The following DTD1 variants were observed in gnomAD, a reference collection of about 807,000 sequenced individuals.
DTD1 encodes the protein D-aminoacyl-tRNA deacylase 1.
A neutral mutation model predicts 25.6 loss-of-function variants in DTD1; 13 were observed. The ratio of observed to expected loss-of-function variants is 0.51; its 90% CI spans 0.33 to 0.81. DTD1 has a LOEUF of 0.81. Ranked by LOEUF, DTD1 falls within the 30% of genes least tolerant of loss-of-function variation. The pLI is 0.02. For synonymous variants in DTD1, 110 were observed against 103.6 expected, an observed-to-expected ratio of 1.06 and a Z score of -0.37; for missense variants, 193 against 266.4, an observed-to-expected ratio of 0.72 and a Z score of 1.92.
chr20:18,677,417 C>T (rs1270915816), intron 4 of DTD1, among the ~76,000 whole-genome samples: 3 of 151,928 alleles, frequency 2.0e-5, no homozygotes, highest in Non-Finnish European at 4.4e-5. Flanking sequence ...TTTTTTTCTT[C>T]CTCCCAGAGC....
chr20:18,631,655 T>C, intron 4 of DTD1: 1 of 985,428 alleles, frequency 1.0e-6, no homozygotes, highest in Middle Eastern at 5.2e-4. Context: ...TTGCCACTGC[T>C]GCCCACTTTT....
chr20:18,672,227 C>G (rs941959868), intron 4 of DTD1, among the ~76,000 whole-genome samples: 1 of 151,996 alleles, frequency 6.6e-6, no homozygotes, highest in Non-Finnish European at 1.5e-5. Context: ...AAGTGAGACC[C>G]TGTCACAAAT....
intron 4 of DTD1, among the ~76,000 whole-genome samples, chr20:18,644,290 G>A (rs1364553658): frequency 6.6e-6 from 1 of 151,924 alleles, no homozygotes; most frequent in African/African-American, 2.4e-5. Flanking sequence ...TGTTAATATG[G>A]GCTCTACAAT....
chr20:18,738,935 C>A (rs865810670), intron 4 of DTD1, among the ~76,000 whole-genome samples: 1 of 152,216 alleles, frequency 6.6e-6, no homozygotes, highest in Non-Finnish European at 1.5e-5. Context: ...ACATTATGGT[C>A]CAGATACATG....
intron 3 of DTD1, among the ~76,000 whole-genome samples, chr20:18,606,872 A>G (rs1178511598): frequency 6.6e-6 from 1 of 150,952 alleles, no homozygotes; most frequent in Non-Finnish European, 1.5e-5. Context: ...GCACATGTAT[A>G]CATATGTAAC....
At chr20:18,628,988 ATTTTTTTTT>A (rs10594706) in intron 4 of DTD1, among the ~76,000 whole-genome samples, 3 of 71,536 alleles carry the variant, frequency 4.2e-5, no homozygotes, top group South Asian at 5.7e-4. Flanking sequence ...TCAAAGCCTG[ATTTTTTTTT>A]TTTTTTTTTT....
At chr20:18,636,410 C>T (rs1157156325) in intron 4 of DTD1, among the ~76,000 whole-genome samples, 8 of 152,106 alleles carry the variant, frequency 5.3e-5, no homozygotes, top group East Asian at 1.9e-4. Context: ...AAAACCTTGC[C>T]GAAACATTTG....
Position 18,597,596 on chromosome 20 carries a change from C to T in DTD1, c.370+1355C>T, listed in dbSNP as rs568158564. 3.3e-5 allele frequency among the ~76,000 whole-genome samples: 5 copies of T among 152,282 alleles called. No homozygotes were observed. The South Asian group carries it at 1.0e-3, about 32-fold the overall frequency. On this transcript the variant is annotated intron_variant, in intron 3 of 5. Coordinates refer to ENST00000377452, the MANE Select transcript of DTD1 (RefSeq NM_080820.6). ...TTCCGTCTCTTTAGATTTGTCTATTCTGAACATTTTATGTAAATGGAATTA... is the reference window on the plus strand; with the variant it reads ...TTCCGTCTCTTTAGATTTGTCTATTTTGAACATTTTATGTAAATGGAATTA...
chr20:18,605,968 A>G (rs1382494977), intron 3 of DTD1, among the ~76,000 whole-genome samples: 1 of 148,776 alleles, frequency 6.7e-6, no homozygotes, highest in East Asian at 2.0e-4. Context: ...AGCAAAAGAA[A>G]CTACCATCAG....
At chr20:18,597,211 G>T (rs2060615772) in intron 3 of DTD1, among the ~76,000 whole-genome samples, 1 of 144,818 alleles carries the variant, frequency 6.9e-6, no homozygotes. Flanking sequence ...ATAGAGAGAA[G>T]GAGCTATAGA....
At chr20:18,619,362 A>G (rs999601751) in intron 3 of DTD1, among the ~76,000 whole-genome samples, 2 of 152,188 alleles carry the variant, frequency 1.3e-5, no homozygotes, top group Admixed American at 6.5e-5. Context: ...TATGACTCAT[A>G]TGACATTTTC....
In DTD1 at chr20:18,744,150, G is replaced by A. The variant is rs192570827; in HGVS notation, c.528G>A (p.Lys176=). 487 of 1,612,286 alleles carry A rather than the reference G, an allele frequency of 3.0e-4. 4 individuals are homozygous for A. The South Asian group carries it at 4.1e-3, about 13-fold the overall frequency. Residue 176 remains lysine, a synonymous_variant, in exon 5 of 6, where the codon AAG becomes AAA. Transcript: ENST00000377452. ...AGAGGAAAGAAAAGACCAGAGCTAA[G>A]GGACCTTCTGAATCAAGCAAGGAAA... ...QQQRKEKTRA[K]GPSESSKERN... is the part of the protein sequence containing the mutation.
At chr20:18,636,048 G>C (rs2060806124) in intron 4 of DTD1, among the ~76,000 whole-genome samples, 1 of 152,060 alleles carries the variant, frequency 6.6e-6, no homozygotes, top group Non-Finnish European at 1.5e-5. Flanking sequence ...GACACTAATG[G>C]GGTAGTGCAT....
At chr20:18,615,525 C>T (rs530114942) in intron 3 of DTD1, among the ~76,000 whole-genome samples, 1 of 152,204 alleles carries the variant, frequency 6.6e-6, no homozygotes, top group African/African-American at 2.4e-5. Context: ...TGAACGCTGT[C>T]CAAGTTGAGT....
intron 4 of DTD1, among the ~76,000 whole-genome samples, chr20:18,641,521 TTGTGTG>T (rs762686834): frequency 1.3e-5 from 2 of 149,590 alleles, no homozygotes; most frequent in Admixed American, 1.3e-4. Context: ...GTATGTGTGT[TTGTGTG>T]TGTGTGTGTG....
rs182421061 is a variant in DTD1, at chr20:18,695,879, T to A, written c.478-48221T>A. Among the ~76,000 whole-genome samples, 965 of 152,036 alleles carry A rather than the reference T, an allele frequency of 6.3e-3. 18 individuals carry two copies. The highest frequency in any genetic ancestry group is 0.046 in the East Asian group (236 of 5,126). ...TTTTGTAGAGATGGGGTTCTCACTA[T>A]GTTGCCCAAGCTGGCCATGGATTCC... On this transcript the variant is annotated intron_variant, in intron 4 of 5. Transcript: ENST00000377452.
At chr20:18,744,369 A>G in intron 5 of DTD1, 98 bp downstream of exon 5, 1 of 1,295,730 alleles carries the variant, frequency 7.7e-7, no homozygotes, top group Non-Finnish European at 1.0e-6. Context: ...TTCATTTCAC[A>G]GCGTTCATCC....
intron 1 of DTD1, chr20:18,592,711 G>A (rs1348699296): frequency 2.2e-5 from 3 of 133,618 alleles, no homozygotes; most frequent in Non-Finnish European, 3.1e-5. Flanking sequence ...AGTCACTCTT[G>A]TCACCCAGGC....
chr20:18,601,059 C>T (rs1401366717), intron 3 of DTD1, among the ~76,000 whole-genome samples: 1 of 152,148 alleles, frequency 6.6e-6, no homozygotes, highest in African/African-American at 2.4e-5. Context: ...ATTTCATTAG[C>T]TAGGACTTCC....
Sources: allele counts gnomAD v4.1 joint callset (sites outside exome capture counted in the v4.1 genomes callset), GRCh38; gene constraint gnomAD v4.1.1; transcripts MANE v1.5; gene names NCBI Gene and HGNC (gene_info 2026-07-23, HGNC 2026-07-21).